The following PALM2AKAP2 variants were observed in gnomAD, a reference collection of about 807,000 sequenced individuals.
The protein encoded by PALM2AKAP2 is PALM2 and AKAP2 fusion, also known as PALM2-AKAP2 fusion protein.
PALM2AKAP2 carries 37 observed loss-of-function variants against 71.5 expected under a neutral mutation model. The observed-to-expected ratio is 0.52, with a 90% confidence interval of 0.40 to 0.68. PALM2AKAP2 has a LOEUF of 0.68. Ranked by LOEUF, PALM2AKAP2 falls within the 30% of genes least tolerant of loss-of-function variation. The pLI is 0.00. For missense variants in PALM2AKAP2, 1,224 were observed against 1,191.8 expected, an observed-to-expected ratio of 1.03 and a Z score of -0.40; for synonymous variants, 468 against 478.8, an observed-to-expected ratio of 0.98 and a Z score of 0.29.
intron 1 of PALM2AKAP2, among the ~76,000 whole-genome samples, chr9:109,773,127 A>AT (rs1195165598): frequency 6.6e-6 from 1 of 152,020 alleles, no homozygotes. Flanking sequence ...CAAAAAAAAA[A>AT]GAATGTTGCA....
intron 1 of PALM2AKAP2, among the ~76,000 whole-genome samples, chr9:109,653,411 C>T (rs1033399404): frequency 6.6e-6 from 1 of 152,190 alleles, no homozygotes; most frequent in African/African-American, 2.4e-5. Context: ...AAAAGTTGTC[C>T]CACTGCACCT....
At chr9:109,750,163 A>G (rs1159792120) in intron 1 of PALM2AKAP2, among the ~76,000 whole-genome samples, 2 of 152,224 alleles carry the variant, frequency 1.3e-5, no homozygotes, top group African/African-American at 2.4e-5. Context: ...AGAAAAGCCT[A>G]TAGCTTCCCT....
intron 1 of PALM2AKAP2, among the ~76,000 whole-genome samples, chr9:110,108,216 A>G (rs868676187): frequency 6.6e-6 from 1 of 151,184 alleles, no homozygotes; most frequent in African/African-American, 2.4e-5. Context: ...CCCGGGTTCA[A>G]GTGATTCTGT....
chr9:109,667,465 C>T (rs80087320), intron 1 of PALM2AKAP2, among the ~76,000 whole-genome samples: 12,651 of 152,156 alleles, frequency 0.083, 590 homozygotes, highest in African/African-American at 0.098. Flanking sequence ...AAAAGCAAAA[C>T]GAAGGAAACA....
chr9:109,698,423 G>A (rs924098920), intron 1 of PALM2AKAP2, among the ~76,000 whole-genome samples: 7 of 151,998 alleles, frequency 4.6e-5, no homozygotes, highest in South Asian at 4.2e-4. Context: ...GATTATAGGC[G>A]CATGCCACCA....
intron 1 of PALM2AKAP2, among the ~76,000 whole-genome samples, chr9:109,736,650 A>C (rs58065524): frequency 6.6e-6 from 1 of 151,848 alleles, no homozygotes. Flanking sequence ...GATTTCTTAA[A>C]TGTATCTATC....
chr9:109,694,510 A>T (rs1456596951), intron 1 of PALM2AKAP2, among the ~76,000 whole-genome samples: 1 of 152,062 alleles, frequency 6.6e-6, no homozygotes. Flanking sequence ...CACTTAACAA[A>T]AATGTTTAAG....
intron 1 of PALM2AKAP2, among the ~76,000 whole-genome samples, chr9:110,113,151 T>A (rs1197106753): frequency 1.3e-5 from 2 of 152,264 alleles, no homozygotes; most frequent in East Asian, 3.8e-4. Flanking sequence ...TATGCCCTTA[T>A]TCCACAGGTA....
intron 1 of PALM2AKAP2, among the ~76,000 whole-genome samples, chr9:110,085,525 G>A (rs1314475185): frequency 3.3e-5 from 5 of 152,130 alleles, no homozygotes; most frequent in South Asian, 2.1e-4. Context: ...ACTTTGGGCC[G>A]AGTTAGCAAT....
chr9:109,948,508 A>G (rs1002302074), intron 6 of PALM2AKAP2, among the ~76,000 whole-genome samples: 1 of 152,190 alleles, frequency 6.6e-6, no homozygotes, highest in African/African-American at 2.4e-5. Flanking sequence ...TAATTTTTCA[A>G]TGTTCTCTTT....
chr9:109,838,380 G>A (rs1305183812), intron 1 of PALM2AKAP2, among the ~76,000 whole-genome samples: 10 of 152,194 alleles, frequency 6.6e-5, no homozygotes, highest in African/African-American at 2.4e-4. Flanking sequence ...TTAAAGCAGT[G>A]TGTAGAGGGA....
intron 1 of PALM2AKAP2, among the ~76,000 whole-genome samples, chr9:109,787,474 G>T (rs150579904): frequency 9.8e-5 from 15 of 152,314 alleles, no homozygotes; most frequent in African/African-American, 3.6e-4. Flanking sequence ...TAACTCCTGA[G>T]TTTTCAATGC....
At chr9:109,939,317 A>G (rs575627982) in intron 6 of PALM2AKAP2, among the ~76,000 whole-genome samples, 2 of 152,330 alleles carry the variant, frequency 1.3e-5, no homozygotes, top group East Asian at 3.9e-4. Context: ...TAGAACAGGC[A>G]AAGATTAAAA....
chr9:109,709,422 A>G (rs894604330), intron 1 of PALM2AKAP2, among the ~76,000 whole-genome samples: 2 of 152,100 alleles, frequency 1.3e-5, no homozygotes, highest in African/African-American at 4.8e-5. Context: ...ACTCCCCTGG[A>G]TGCTGCTTGC....
intron 1 of PALM2AKAP2, among the ~76,000 whole-genome samples, chr9:109,755,203 C>T (rs1430153138): frequency 2.0e-5 from 3 of 152,220 alleles, no homozygotes; most frequent in African/African-American, 7.2e-5. Flanking sequence ...CCAGAAAATG[C>T]CACTTCCCTG....
intron 7 of PALM2AKAP2, among the ~76,000 whole-genome samples, chr9:110,035,894 T>G (rs1833399609): frequency 6.7e-6 from 1 of 150,124 alleles, no homozygotes; most frequent in Admixed American, 6.7e-5. Flanking sequence ...ATGTTGTGTG[T>G]TATATATAAC....
chr9:110,050,013 G>T (rs1450310816), intron 1 of PALM2AKAP2, among the ~76,000 whole-genome samples: 3 of 152,258 alleles, frequency 2.0e-5, no homozygotes, highest in African/African-American at 7.2e-5. Flanking sequence ...TTTCCCGTGT[G>T]GGGTAGCATG....
At chr9:109,973,560 T>G (rs950878344) in intron 6 of PALM2AKAP2, among the ~76,000 whole-genome samples, 1 of 152,164 alleles carries the variant, frequency 6.6e-6, no homozygotes, top group Non-Finnish European at 1.5e-5. Context: ...CTGGCACCAA[T>G]GGGGTAGGGG....
chr9:110,001,698 G>A (rs1832684061), intron 6 of PALM2AKAP2, among the ~76,000 whole-genome samples: 1 of 152,104 alleles, frequency 6.6e-6, no homozygotes, highest in African/African-American at 2.4e-5. Context: ...ATTGAGCAGT[G>A]GTTTGTAGTT....
Sources: gnomAD v4.1 joint callset for allele counts (sites outside exome capture counted in the v4.1 genomes callset) on GRCh38, gnomAD v4.1.1 for gene constraint, MANE v1.5 for transcripts, NCBI Gene and HGNC (gene_info 2026-07-23, HGNC 2026-07-21) for gene names.